Variants in TUSC2 observed in about 807,000 individuals in gnomAD.
TUSC2 encodes the protein tumor suppressor 2, mitochondrial calcium regulator.
A neutral mutation model predicts 11.5 loss-of-function variants in TUSC2; 7 were observed. That is an observed-to-expected ratio of 0.61 (90% confidence interval 0.35 to 1.14). The LOEUF (loss-of-function observed/expected upper bound fraction) is 1.14, where lower values mean the gene tolerates loss of function less well. TUSC2 is among the 50% of genes most tolerant of loss of function. The probability of loss-of-function intolerance (pLI) is 0.03; values close to 1 mark genes in which losing one functional copy is unlikely to be tolerated. For missense variants in TUSC2, 132 were observed against 155.0 expected (o/e 0.85, Z 0.79); for synonymous variants, 61 against 64.1 (o/e 0.95, Z 0.23).
Position 50,325,975 on chromosome 3 carries a change from C to T in TUSC2, c.*146G>A. On this transcript the variant is annotated 3_prime_UTR_variant, in exon 3 of 3. Coordinates refer to ENST00000232496, the MANE Select transcript of TUSC2 (RefSeq NM_007275.3). The surrounding 1 kb of genome is among the most constrained non-coding windows in gnomAD (Gnocchi z 5.1). ...CACCCAACCAATACTGTGGGACCGA[C>T]CCGCTCACAGCTGAAGGTTATGGGC... 1 of 1,015,870 alleles carries T rather than the reference C, an allele frequency of 9.8e-7. No homozygotes were observed. Among genetic ancestry groups the T allele is most frequent in the Non-Finnish European group, 1.5e-6 (1 of 685,114 alleles). The allele number at this position is 1,015,870 out of a possible 1,614,324, so 62.9% of individuals were successfully genotyped here. A position where few individuals can be genotyped will look rare whatever the true frequency, so the allele number is the denominator to read the frequency against.
In TUSC2 at chr3:50,328,209, T is replaced by C; in HGVS notation, c.-110A>G. On this transcript the variant is annotated 5_prime_UTR_variant, in exon 1 of 3. Transcript: ENST00000232496. ...ATCGCAGGTGCCGCCGCCGCCGCCTTCCGCAGGCTCGGCTGTCTCCACGGA... is the reference window on the plus strand; with the variant it reads ...ATCGCAGGTGCCGCCGCCGCCGCCTCCCGCAGGCTCGGCTGTCTCCACGGA... 1 of 1,233,934 alleles carries C rather than the reference T, an allele frequency of 8.1e-7. No individual in the cohort carries two copies. The highest frequency in any genetic ancestry group is 1.0e-6 in the Non-Finnish European group (1 of 962,858). The allele number at this position is 1,233,934 out of a possible 1,614,324, so 76.4% of individuals were successfully genotyped here. A position where few individuals can be genotyped will look rare whatever the true frequency, so the allele number is the denominator to read the frequency against.
chr3:50,327,873 C>G (rs1702809127), intron 1 of TUSC2, 81 bp downstream of exon 1: 7 of 1,376,180 alleles, frequency 5.1e-6, no homozygotes, highest in African/African-American at 4.6e-5. Context: ...TAGTGGGGTA[C>G]AGCGGTGGAA....
In TUSC2 at chr3:50,327,972, A is replaced by G; in HGVS notation, c.128T>C (p.Phe43Ser). 6.5e-7 allele frequency: 1 copy of G among 1,541,690 alleles called. No homozygotes were observed. The highest frequency in any genetic ancestry group is 8.7e-7 in the Non-Finnish European group (1 of 1,147,098). ...CCCTTACCCGCGGCGCGTGAATACG[A>G]AGGGGGGCACAGCTCGGCCCCGAGG... ...VRPRGRAVPP[F>S]VFTRRGSMFY... The change falls in exon 1 of 3, where the codon TTC becomes TCC. Residue 43 changes from phenylalanine to serine, a missense_variant. Physicochemically the swap from Phe to Ser is radical, Grantham distance 155. Around this residue, in one of 3 missense-constraint regions of TUSC2, gnomAD observed 50 missense variants for 27.9 expected, o/e 1.79. Transcript: ENST00000232496.
At chr3:50,327,889 C>T (rs1702809436) in intron 1 of TUSC2, 65 bp downstream of exon 1, 11 of 1,386,208 alleles carry the variant, frequency 7.9e-6, no homozygotes, top group Middle Eastern at 2.6e-4. Flanking sequence ...TGGAAGTTCC[C>T]CCGTGGCGCG....
Position 50,326,187 on chromosome 3 carries a change from C to A in TUSC2, c.268-1G>T. 6.2e-7 allele frequency: 1 copy of A among 1,603,360 alleles called. No individual in the cohort carries two copies. On this transcript the variant is annotated splice_acceptor_variant, in intron 2 of 2. Coordinates refer to ENST00000232496, the MANE Select transcript of TUSC2 (RefSeq NM_007275.3). LOFTEE classifies it high-confidence loss of function. ...GGGGGTGATCCAGCTTCACGATGCC[C>A]TGCCATGGAAACAGAGGCTAGTAAG...
rs1432633719 is a variant in TUSC2 at position 50,326,278 on chromosome 3, C to T, written c.267+79G>A. On this transcript the variant is annotated intron_variant, in intron 2 of 2. Coordinates refer to ENST00000232496, the MANE Select transcript of TUSC2 (RefSeq NM_007275.3). ...CTCCCAGATCCCCCCGCAAAAGCCC[C>T]CACCATGACAACAGATCCCATCTGG... 6 of 1,612,228 alleles carry T rather than the reference C, an allele frequency of 3.7e-6. No homozygotes were observed. The South Asian group carries it at 6.6e-5, about 18-fold the overall frequency.
intron 1 of TUSC2, among the ~76,000 whole-genome samples, chr3:50,327,382 TG>T (rs1411877981): frequency 2.6e-5 from 4 of 152,080 alleles, no homozygotes; most frequent in African/African-American, 9.7e-5. Context: ...CAAGCCAATC[TG>T]GTACTCTTGT....
chr3:50,328,129 G>T lies in TUSC2; in HGVS notation c.-30C>A. ...GGGCCGCCGGCGCATGGCGGGCCCC[G>T]TGGCCGCTCTGCTCACACCGCAGTC... On this transcript the variant is annotated 5_prime_UTR_variant, in exon 1 of 3. Coordinates refer to ENST00000232496, the MANE Select transcript of TUSC2 (RefSeq NM_007275.3). 3 of 1,363,906 alleles carry T rather than the reference G, an allele frequency of 2.2e-6. No homozygotes were observed. Among genetic ancestry groups the T allele is most frequent in the Non-Finnish European group, 2.8e-6 (3 of 1,060,196 alleles). The allele number at this position is 1,363,906 out of a possible 1,614,324, so 84.5% of individuals were successfully genotyped here.
At chr3:50,327,859 G>A in intron 1 of TUSC2, 95 bp downstream of exon 1, 1 of 1,346,260 alleles carries the variant, frequency 7.4e-7, no homozygotes, top group Non-Finnish European at 9.6e-7. Context: ...TCCTGGCTTG[G>A]CTGTAGTGGG....
In TUSC2 at chr3:50,326,349, C is replaced by A; in HGVS notation, c.267+8G>T. The A allele has an allele frequency of 6.2e-7, 1 of 1,613,760 alleles. No individual in the cohort carries two copies. Among genetic ancestry groups the A allele is most frequent in the East Asian group, 2.2e-5 (1 of 44,840 alleles). On this transcript the variant is annotated splice_region_variant and intron_variant, in intron 2 of 2. Transcript: ENST00000232496. ...TGTAGGCTCTGTGACCGCTGCCCAG[C>A]CCCTCACCTGAGGAATCAGATTCTT...
chr3:50,327,509 T>C (rs1553717520), intron 1 of TUSC2, among the ~76,000 whole-genome samples: 4 of 152,176 alleles, frequency 2.6e-5, no homozygotes, highest in Non-Finnish European at 1.5e-5. Context: ...TACTGAGGCC[T>C]ATCCCTGCTT....
chr3:50,327,299 T>C (rs1443407823), intron 1 of TUSC2: 1 of 454,062 alleles, frequency 2.2e-6, no homozygotes, highest in Admixed American at 2.4e-5. Flanking sequence ...GAATTGCCAC[T>C]GTTGGGTCTT....
Position 50,326,143 on chromosome 3 carries a change from G to A in TUSC2, c.311C>T (p.Pro104Leu). ...GGGTCACACCTCATAGAGGATCACAGGGAAATCCACGTGGATGCGGGGGTG... is the reference window on the plus strand; with the variant it reads ...GGGTCACACCTCATAGAGGATCACAAGGAAATCCACGTGGATGCGGGGGTG... The part of the protein sequence containing the change: ...LDHPRIHVDF[P>L]VILYEV The change falls in exon 3 of 3, where the codon CCT (proline) becomes CTT (leucine). Residue 104 changes from proline (P) to leucine (L), a missense_variant. Physicochemically the swap from Pro to Leu is moderately conservative, Grantham distance 98. Around this residue, in one of 3 missense-constraint regions of TUSC2, gnomAD observed 65 missense variants for 94.0 expected, o/e 0.69. Coordinates refer to ENST00000232496, the MANE Select transcript of TUSC2 (RefSeq NM_007275.3). 1 of 1,595,354 alleles carries A rather than the reference G, an allele frequency of 6.3e-7. No homozygotes were observed. The highest frequency in any genetic ancestry group is 8.5e-7 in the Non-Finnish European group (1 of 1,171,028).
chr3:50,326,095 G>A lies in TUSC2; in HGVS notation c.*26C>T, dbSNP rs1329051541. 6.4e-7 allele frequency: 1 copy of A among 1,566,226 alleles called. No homozygotes were observed. The highest frequency in any genetic ancestry group is 1.3e-5 in the African/African-American group (1 of 74,144). On this transcript the variant is annotated 3_prime_UTR_variant, in exon 3 of 3. Coordinates refer to ENST00000232496, the MANE Select transcript of TUSC2 (RefSeq NM_007275.3). Reference sequence around the variant, plus strand: ...TGGGAGTTTCTTGCCGGGGCAGGGGGTGCTTCTGTCTGCCACCTCCCAGGG... The same window carrying A: ...TGGGAGTTTCTTGCCGGGGCAGGGGATGCTTCTGTCTGCCACCTCCCAGGG...
At chr3:50,327,203 A>G (rs1348095466) in intron 1 of TUSC2, 4 of 456,734 alleles carry the variant, frequency 8.8e-6, no homozygotes, top group African/African-American at 6.0e-5. Context: ...AGTGTCAAAG[A>G]CTGAAATAGC....
At chr3:50,327,874 AGCGGTGGAAGTTCCCCCGTGGCGCGGGAC>A in intron 1 of TUSC2, 51 bp downstream of exon 1, 1 of 1,376,414 alleles carries the variant, frequency 7.3e-7, no homozygotes, top group Non-Finnish European at 9.4e-7. Context: ...AGTGGGGTAC[AGCGGTGGAAGTTCCCCCGTGGCGCGGGAC>A]GCCTGGCCGC....
At chr3:50,326,968 G>A (rs1553717468) in intron 1 of TUSC2, 3 of 339,828 alleles carry the variant, frequency 8.8e-6, no homozygotes. Flanking sequence ...AAGAAAGTGG[G>A]AAGTGAGGTG....
At position 50,326,040 on chromosome 3, in the gene TUSC2, C is replaced by T. The variant is rs1348041155; in HGVS notation, c.*81G>A. Reference sequence around the variant, plus strand: ...CAGGGTTGTGGCCCCAGCCTGGGCTCCTCAATGGAAGCCACACCTTGATTG... The same window carrying T: ...CAGGGTTGTGGCCCCAGCCTGGGCTTCTCAATGGAAGCCACACCTTGATTG... On this transcript the variant is annotated 3_prime_UTR_variant, in exon 3 of 3. Coordinates refer to ENST00000232496, the MANE Select transcript of TUSC2 (RefSeq NM_007275.3). The T allele has an allele frequency of 2.0e-6, 3 of 1,514,864 alleles. No homozygotes were observed. Among genetic ancestry groups the T allele is most frequent in the Non-Finnish European group, 1.8e-6 (2 of 1,114,516 alleles). The allele number at this position is 1,514,864 out of a possible 1,614,324, so 93.8% of individuals were successfully genotyped here.
intron 1 of TUSC2, among the ~76,000 whole-genome samples, chr3:50,326,681 G>C (rs587622017): frequency 6.6e-6 from 1 of 152,066 alleles, no homozygotes; most frequent in Non-Finnish European, 1.5e-5. Context: ...GCAGTGGCGC[G>C]ATCTCAGCTT....
Sources: gnomAD v4.1 joint callset for allele counts (sites outside exome capture counted in the v4.1 genomes callset) on GRCh38, gnomAD v4.1.1 for gene constraint, gnomAD v4.1.1 regional missense constraint, Gnocchi (gnomAD v3.1) non-coding constraint, MANE v1.5 for transcripts, NCBI Gene and HGNC (gene_info 2026-07-23, HGNC 2026-07-21) for gene names.